The following FBXO31 variants were observed in gnomAD, a reference collection of about 807,000 sequenced individuals.
The protein encoded by FBXO31 is F-box only protein 31.
FBXO31 carries 24 observed loss-of-function variants against 54.4 expected under a neutral mutation model. The observed-to-expected ratio is 0.44, with a 90% CI of 0.32 to 0.62. The LOEUF (loss-of-function observed/expected upper bound fraction) is 0.62. Ranked by LOEUF, FBXO31 falls within the 20% of genes least tolerant of loss-of-function variation. The pLI is 0.05. For synonymous variants in FBXO31, 388 were observed against 335.6 expected (o/e 1.16, Z -1.71); for missense variants, 665 against 787.1 (o/e 0.84, Z 1.86).
chr16:87,350,931 T>C (rs1050272651), intron 2 of FBXO31, among the ~76,000 whole-genome samples: 3 of 152,214 alleles, frequency 2.0e-5, no homozygotes, highest in Non-Finnish European at 4.4e-5. Flanking sequence ...ACATCCTCCA[T>C]GCATCTTGAA....
At position 87,346,587 on chromosome 16, in the gene FBXO31, C is replaced by T. The variant is rs1056001048; in HGVS notation, c.489+587G>A. 1.3e-5 allele frequency among the ~76,000 whole-genome samples: 2 copies of T among 152,012 alleles called. No homozygotes were observed. The highest frequency in any genetic ancestry group is 4.8e-5 in the African/African-American group (2 of 41,376). On this transcript the variant is annotated intron_variant, in intron 3 of 8. Coordinates refer to ENST00000311635, the MANE Select transcript of FBXO31 (RefSeq NM_024735.5). The surrounding 1 kb of genome is among the most constrained non-coding windows in gnomAD (Gnocchi z 4.2). ...CAGACCCCAACGGCAAGCAGGCTGC[C>T]GGGAGAAGGGAAACGGAGACGACTC...
At chr16:87,369,920 A>C (rs1250938721) in intron 1 of FBXO31, among the ~76,000 whole-genome samples, 1 of 152,232 alleles carries the variant, frequency 6.6e-6, no homozygotes, top group Non-Finnish European at 1.5e-5. Context: ...AGAGGAACAA[A>C]ACAGCCCAGT....
upstream of FBXO31, among the ~76,000 whole-genome samples, chr16:87,390,675 C>T (rs1342427818): frequency 6.6e-6 from 1 of 152,032 alleles, no homozygotes; most frequent in Non-Finnish European, 1.5e-5. Flanking sequence ...CTCTTGACCT[C>T]GTGATCCTCC....
At chr16:87,378,176 C>T (rs1427570899) in intron 1 of FBXO31, among the ~76,000 whole-genome samples, 1 of 149,692 alleles carries the variant, frequency 6.7e-6, no homozygotes, top group Non-Finnish European at 1.5e-5. Context: ...AAAAACAAAA[C>T]AAAACCAGAA....
chr16:87,341,823 A>G (rs905890518), intron 5 of FBXO31, among the ~76,000 whole-genome samples: 1 of 152,240 alleles, frequency 6.6e-6, no homozygotes, highest in Non-Finnish European at 1.5e-5. Flanking sequence ...ACTTACTTGC[A>G]AAGAATTCCG....
At chr16:87,385,379 A>G (rs1029293327), upstream of FBXO31, among the ~76,000 whole-genome samples, 27 of 150,716 alleles carry the variant, frequency 1.8e-4, no homozygotes, top group Admixed American at 3.3e-4. Flanking sequence ...AATGGTGTGA[A>G]CCCGGGAGGC....
intron 1 of FBXO31, among the ~76,000 whole-genome samples, chr16:87,370,651 A>C (rs539017947): frequency 6.6e-6 from 1 of 152,240 alleles, no homozygotes; most frequent in East Asian, 1.9e-4. Flanking sequence ...GGGCCCTGTG[A>C]GACAGGCAGA....
At chr16:87,374,673 C>T (rs974628051) in intron 1 of FBXO31, among the ~76,000 whole-genome samples, 3 of 152,222 alleles carry the variant, frequency 2.0e-5, no homozygotes, top group African/African-American at 4.8e-5. Flanking sequence ...ACGGAGAAAA[C>T]GGCAAGCTAT....
rs762780122 is a variant in FBXO31 at position 87,336,295 on chromosome 16, A to C, written c.733-31T>G. 28 of 1,594,294 alleles carry C rather than the reference A, an allele frequency of 1.8e-5. No homozygotes were observed. Among genetic ancestry groups the C allele is most frequent in the Non-Finnish European group, 2.3e-5 (27 of 1,163,230 alleles). ...AAAAGAACACAGGTCATGAATATCC[A>C]TATGACAGGAGGCTGTGAAGAGGCT... On this transcript the variant is annotated intron_variant, in intron 5 of 8. Transcript: ENST00000311635. This position sits in a 1 kb window ranked among gnomAD's most constrained non-coding sequence, Gnocchi z 6.5.
At chr16:87,360,465 G>T in intron 1 of FBXO31, 99 bp from the exon 2 acceptor site, 1 of 944,924 alleles carries the variant, frequency 1.1e-6, no homozygotes, top group African/African-American at 1.6e-5. Flanking sequence ...TGCACACCTA[G>T]CCTCAGCCCC....
At chr16:87,389,237 T>G (rs1907432170) in intron 1 of FBXO31, among the ~76,000 whole-genome samples, 1 of 152,162 alleles carries the variant, frequency 6.6e-6, no homozygotes, top group Admixed American at 6.5e-5. Flanking sequence ...ACCCCAATCA[T>G]TTTGGATTCT....
In FBXO31 at chr16:87,351,906, T is replaced by C. The variant is rs1049982366; in HGVS notation, c.413-4656A>G. 5.9e-5 allele frequency among the ~76,000 whole-genome samples: 9 copies of C among 151,912 alleles called. 1 individual carries two copies. The highest frequency in any genetic ancestry group is 3.4e-3 in the Middle Eastern group (1 of 292). On this transcript the variant is annotated intron_variant, in intron 2 of 8. Transcript: ENST00000311635. Reference sequence around the variant, plus strand: ...AATATATATATACATCAGCTTCACATGGAGAGACGCTCTTCGTTTGTACAG... The same window carrying C: ...AATATATATATACATCAGCTTCACACGGAGAGACGCTCTTCGTTTGTACAG...
intron 1 of FBXO31, among the ~76,000 whole-genome samples, chr16:87,381,649 G>A (rs764380428): frequency 6.6e-6 from 1 of 152,228 alleles, no homozygotes; most frequent in Non-Finnish European, 1.5e-5. Context: ...CCTCCTTGGG[G>A]TGCAAACTCA....
rs767943604 is a variant in FBXO31, at chr16:87,335,489, C to A, written c.843-32G>T. 2 of 1,593,238 alleles carry A rather than the reference C, an allele frequency of 1.3e-6. No individual in the cohort carries two copies. The highest frequency in any genetic ancestry group is 1.7e-6 in the Non-Finnish European group (2 of 1,169,496). ...GGAGCGGACGGGTCAGTACAGGAGA[C>A]CTCGTGGGGCAGGCAGGACTGAGAA... On this transcript the variant is annotated intron_variant, in intron 6 of 8. Coordinates refer to ENST00000311635, the MANE Select transcript of FBXO31 (RefSeq NM_024735.5). This position sits in a 1 kb window ranked among gnomAD's most constrained non-coding sequence, Gnocchi z 5.7.
intron 1 of FBXO31, among the ~76,000 whole-genome samples, chr16:87,366,502 G>C (rs1351708636): frequency 1.3e-5 from 2 of 152,212 alleles, no homozygotes; most frequent in African/African-American, 4.8e-5. Context: ...AACGCCCAGA[G>C]TGGGAAGGGC....
chr16:87,360,167 G>GT, intron 2 of FBXO31, 128 bp downstream of exon 2: 1 of 811,880 alleles, frequency 1.2e-6, no homozygotes, highest in Non-Finnish European at 2.1e-6. Flanking sequence ...TATTCAAAAT[G>GT]TGACTGTAAG....
chr16:87,362,244 A>T (rs528102871), intron 1 of FBXO31, among the ~76,000 whole-genome samples: 2 of 152,278 alleles, frequency 1.3e-5, no homozygotes, highest in African/African-American at 4.8e-5. Flanking sequence ...TCATGGTAAT[A>T]TTTTATTTAA....
intron 5 of FBXO31, among the ~76,000 whole-genome samples, chr16:87,339,003 T>C (rs1905114180): frequency 6.6e-6 from 1 of 152,230 alleles, no homozygotes; most frequent in African/African-American, 2.4e-5. Flanking sequence ...TCTCTCTTTT[T>C]TTGCCTGCCG....
intron 1 of FBXO31, among the ~76,000 whole-genome samples, chr16:87,377,163 G>A (rs189107937): frequency 6.6e-6 from 1 of 152,348 alleles, no homozygotes; most frequent in Non-Finnish European, 1.5e-5. Context: ...GGAAATTTTA[G>A]GCTGGGGACG....
Sources: gnomAD v4.1 joint callset for allele counts (sites outside exome capture counted in the v4.1 genomes callset) on GRCh38, gnomAD v4.1.1 for gene constraint, Gnocchi (gnomAD v3.1) non-coding constraint, MANE v1.5 for transcripts, NCBI Gene and HGNC (gene_info 2026-07-23, HGNC 2026-07-21) for gene names.